UNC13A: variants seen among roughly 807,000 people sequenced by gnomAD.
UNC13A encodes protein unc-13 homolog A.
In UNC13A, 61 loss-of-function variants were observed where a neutral mutation model predicts 219.7. That is an observed-to-expected ratio of 0.28 (90% CI 0.23 to 0.34). The LOEUF (loss-of-function observed/expected upper bound fraction) is 0.34, where lower values mean the gene tolerates loss of function less well. UNC13A is among the 10% of genes least tolerant of loss of function. The pLI, the probability that UNC13A is intolerant of heterozygous loss-of-function variation, is 1.00. For synonymous variants in UNC13A, 920 were observed against 884.6 expected (o/e 1.04, Z -0.71); for missense variants, 1,476 against 2,270.3 (o/e 0.65, Z 7.11).
In UNC13A at chr19:17,604,401, C is replaced by T; in HGVS notation, c.*1653G>A. 1 of 152,294 alleles carries T rather than the reference C, an allele frequency of 6.6e-6. No individual in the cohort carries two copies. The highest frequency in any genetic ancestry group is 1.9e-4 in the East Asian group (1 of 5,202). The allele number at this position is 152,294 out of a possible 1,614,324, so 9.4% of individuals were successfully genotyped here. A position where few individuals can be genotyped will look rare whatever the true frequency, so the allele number is the denominator to read the frequency against. On this transcript the variant is annotated 3_prime_UTR_variant, in exon 44 of 44. Transcript: ENST00000519716. Reference sequence around the variant, plus strand: ...GCTGGCTCAGCTCCAGCCGTGCCACCCTTCTCGTTGTTTCAACAGTTCTTC... The same window carrying T: ...GCTGGCTCAGCTCCAGCCGTGCCACTCTTCTCGTTGTTTCAACAGTTCTTC...
chr19:17,669,572 C>G lies in UNC13A; in HGVS notation c.375G>C (p.Thr125=). ...ACTCACCTAAGGGTAGCTCAAAGCG[C>G]GTGTCCAGGAGGATGCGGTGGAAGG... ...DPTFHRILLD[T]RFELPLDIPE... Residue 125 remains threonine (T), a synonymous_variant, in exon 5 of 44, where the codon ACG becomes ACC. Transcript: ENST00000519716. 6.2e-7 allele frequency: 1 copy of G among 1,613,726 alleles called. No individual in the cohort carries two copies. The highest frequency in any genetic ancestry group is 8.5e-7 in the Non-Finnish European group (1 of 1,179,748).
intron 31 of UNC13A, chr19:17,628,147 G>A (rs929895429): frequency 1.2e-5 from 7 of 568,566 alleles, no homozygotes; most frequent in African/African-American, 1.1e-4. Flanking sequence ...GACTGGTGGG[G>A]GCAAGGAGGA....
At chr19:17,641,323 C>T (rs1263423391) in intron 21 of UNC13A, 70 bp downstream of exon 21, 80 of 1,569,916 alleles carry the variant, frequency 5.1e-5, no homozygotes, top group Non-Finnish European at 6.8e-5. Context: ...GAATCCCTCC[C>T]ACCCCAGACC....
intron 4 of UNC13A, among the ~76,000 whole-genome samples, chr19:17,670,791 C>T (rs2079770290): frequency 6.6e-6 from 1 of 151,908 alleles, no homozygotes; most frequent in Non-Finnish European, 1.5e-5. Flanking sequence ...GTAATCCCAG[C>T]TACTCAGGAG....
chr19:17,670,611 A>G (rs1170072285), intron 4 of UNC13A, among the ~76,000 whole-genome samples: 1 of 152,048 alleles, frequency 6.6e-6, no homozygotes, highest in Non-Finnish European at 1.5e-5. Flanking sequence ...ATTCAAAAAC[A>G]AACACTCACT....
At chr19:17,618,146 T>G (rs999991271) in intron 40 of UNC13A, among the ~76,000 whole-genome samples, 1 of 152,086 alleles carries the variant, frequency 6.6e-6, no homozygotes, top group Non-Finnish European at 1.5e-5. Context: ...CTCTACACCT[T>G]CTCACTCTTT....
intron 4 of UNC13A, among the ~76,000 whole-genome samples, 162 bp from the exon 5 acceptor site, chr19:17,669,838 TTCCC>T (rs955246696): frequency 2.4e-4 from 36 of 151,070 alleles, no homozygotes; most frequent in Non-Finnish European, 2.7e-4. Context: ...CCTTCCTTCC[TTCCC>T]TCCCTCCCTC....
chr19:17,633,966 T>C (rs2076885506), intron 26 of UNC13A, among the ~76,000 whole-genome samples: 1 of 149,726 alleles, frequency 6.7e-6, no homozygotes, highest in Non-Finnish European at 1.5e-5. Flanking sequence ...CCTATCCATC[T>C]ATCTATTCAT....
chr19:17,681,321 C>A (rs1031841424), intron 1 of UNC13A, among the ~76,000 whole-genome samples: 19 of 151,946 alleles, frequency 1.3e-4, no homozygotes, highest in Admixed American at 1.1e-3. Context: ...AAAGCCCACC[C>A]GCCCCAGGAT....
chr19:17,641,658 A>C, intron 20 of UNC13A, 102 bp from the exon 21 acceptor site: 1 of 1,147,816 alleles, frequency 8.7e-7, no homozygotes, highest in Non-Finnish European at 1.2e-6. Context: ...CTGCCTGTTT[A>C]TTCATTAATT....
In UNC13A at chr19:17,656,045, C is replaced by A. The variant is rs766238009; in HGVS notation, c.1121G>T (p.Arg374Leu). The change falls in exon 10 of 44, where the codon CGC becomes CTC. Residue 374 changes from arginine (R) to leucine (L), a missense_variant. Physicochemically the swap from Arg to Leu is moderately radical, Grantham distance 102. Transcript: ENST00000519716. ...VAVAEPKDFK[R>L]ISLPPAAPGK... is the part of the protein sequence containing the mutation. The stretch of plus-strand genomic sequence containing the variant: ...TGGGGCAGCTGGCGGGAGGCTGATG[C>A]GTTTGAAGTCTTTGGGCTCAGCCAC... 1.3e-6 allele frequency: 2 copies of A among 1,560,308 alleles called. No individual in the cohort carries two copies. The highest frequency in any genetic ancestry group is 8.7e-7 in the Non-Finnish European group (1 of 1,151,856).
chr19:17,635,614 CACA>C (rs2076905418), intron 26 of UNC13A, among the ~76,000 whole-genome samples: 1 of 152,038 alleles, frequency 6.6e-6, no homozygotes, highest in East Asian at 1.9e-4. Context: ...ACCCACTGAC[CACA>C]ACAATATACA....
intron 11 of UNC13A, among the ~76,000 whole-genome samples, chr19:17,653,740 G>A (rs762569378): frequency 2.0e-4 from 30 of 151,072 alleles, no homozygotes; most frequent in Admixed American, 5.9e-4. Context: ...TGAGCCTCCC[G>A]CCTCGACCTC....
At chr19:17,620,907 G>C (rs10421645) in intron 37 of UNC13A, among the ~76,000 whole-genome samples, 185 bp from the exon 38 acceptor site, 14,119 of 151,926 alleles carry the variant, frequency 0.093, 724 homozygotes, top group African/African-American at 0.14. Context: ...CAGGGGTTTA[G>C]AGGTCAGACT....
rs770393651 is a variant in UNC13A at position 17,627,911 on chromosome 19, C to T, written c.3783G>A (p.Gln1261=). ...VPCILMNNTQ[Q]LRVQLEKMFE... Reference sequence around the variant, plus strand: ...ACATCTTCTCCAGCTGAACTCGTAGCTGTTGAGTGTTATTCATGAGAATGC... The same window carrying T: ...ACATCTTCTCCAGCTGAACTCGTAGTTGTTGAGTGTTATTCATGAGAATGC... Residue 1261 remains glutamine, a synonymous_variant, in exon 32 of 44, where the codon CAG becomes CAA. Transcript: ENST00000519716. The surrounding 1 kb of genome is among the most constrained non-coding windows in gnomAD (Gnocchi z 4.7). 1.9e-5 allele frequency: 30 copies of T among 1,603,904 alleles called. No individual in the cohort carries two copies. Among genetic ancestry groups the T allele is most frequent in the Non-Finnish European group, 2.5e-5 (29 of 1,174,492 alleles).
chr19:17,608,026 C>A (rs1183074682), intron 43 of UNC13A, among the ~76,000 whole-genome samples: 1 of 150,738 alleles, frequency 6.6e-6, no homozygotes, highest in African/African-American at 2.4e-5. Flanking sequence ...GGATTACAAG[C>A]GCCTGCCACC....
rs759307750 is a variant in UNC13A, at chr19:17,656,199, C to T, written c.967G>A (p.Glu323Lys). The T allele has an allele frequency of 6.4e-7, 1 of 1,552,260 alleles. No homozygotes were observed. Among genetic ancestry groups the T allele is most frequent in the South Asian group, 1.2e-5 (1 of 84,046 alleles). The change falls in exon 10 of 44, where the codon GAG becomes AAG. Residue 323 changes from glutamate (E) to lysine (K), a missense_variant. Glu to Lys is a moderately conservative substitution (Grantham distance 56). Around this residue, in one of 14 missense-constraint regions of UNC13A, gnomAD observed 351 missense variants for 342.6 expected, o/e 1.02. Coordinates refer to ENST00000519716, the MANE Select transcript of UNC13A (RefSeq NM_001080421.3). ...AAGTCCTCCAGGTCCTCCTCCAGCT[C>T]TTCCTCATCCTGGTCCCAGCGAGGC... ...DSPRWDQDEE[E>K]LEEDLEDFLE... is the part of the protein sequence containing the mutation.
Position 17,649,420 on chromosome 19 carries a change from C to T in UNC13A, c.1519-76G>A. ...CAGAGAATGCCTAGCTGGCCCCCAA[C>T]CCCAGGTTGACCATGGGCAGTTCCA... On this transcript the variant is annotated intron_variant, in intron 13 of 43. Coordinates refer to ENST00000519716, the MANE Select transcript of UNC13A (RefSeq NM_001080421.3). The surrounding 1 kb of genome is among the most constrained non-coding windows in gnomAD (Gnocchi z 4.4). 1.2e-6 allele frequency: 2 copies of T among 1,613,536 alleles called. No homozygotes were observed. The highest frequency in any genetic ancestry group is 8.5e-7 in the Non-Finnish European group (1 of 1,179,734).
chr19:17,605,986 G>A lies in UNC13A; in HGVS notation c.*68C>T. The A allele has an allele frequency of 1.1e-5, 15 of 1,352,486 alleles. No homozygotes were observed. The highest frequency in any genetic ancestry group is 1.5e-5 in the African/African-American group (1 of 64,708). 83.8% of individuals were successfully genotyped at this position (1,352,486 alleles called of 1,614,324 possible). A position where few individuals can be genotyped will look rare whatever the true frequency, so the allele number is the denominator to read the frequency against. ...GCCCCTGGGGAGGTCCCACCAAGGC[G>A]CAAGCCCCGTCCCTCCCCGCCCAGC... On this transcript the variant is annotated 3_prime_UTR_variant, in exon 44 of 44. Transcript: ENST00000519716.
Sources: gnomAD v4.1 joint callset for allele counts (sites outside exome capture counted in the v4.1 genomes callset) on GRCh38, gnomAD v4.1.1 for gene constraint, gnomAD v4.1.1 regional missense constraint, Gnocchi (gnomAD v3.1) non-coding constraint, MANE v1.5 for transcripts, NCBI Gene and HGNC (gene_info 2026-07-23, HGNC 2026-07-21) for gene names.